The following DAPK2 variants were observed in gnomAD, a reference collection of about 807,000 sequenced individuals.
DAPK2 encodes death-associated protein kinase 2.
Under a neutral mutation model 44.1 loss-of-function variants are expected in DAPK2, and 35 were observed. The observed-to-expected ratio is 0.79, with a 90% CI of 0.61 to 1.05. The LOEUF (loss-of-function observed/expected upper bound fraction) is 1.05, where lower values mean the gene tolerates loss of function less well. Among genes scored for constraint, DAPK2 ranks in the 50% least tolerant of loss-of-function variants. The pLI, the probability that DAPK2 is intolerant of heterozygous loss-of-function variation, is 0.00. For missense variants in DAPK2, 453 were observed against 483.2 expected (o/e 0.94, Z 0.59); for synonymous variants, 174 against 182.6 (o/e 0.95, Z 0.38).
chr15:64,007,732 G>T (rs941344179), intron 1 of DAPK2, among the ~76,000 whole-genome samples: 1 of 152,182 alleles, frequency 6.6e-6, no homozygotes, highest in Non-Finnish European at 1.5e-5. Flanking sequence ...TGTTTGCTGT[G>T]TGCCATTTAG....
At chr15:64,026,068 T>C (rs1199481744) in intron 1 of DAPK2, among the ~76,000 whole-genome samples, 1 of 152,112 alleles carries the variant, frequency 6.6e-6, no homozygotes, top group African/African-American at 2.4e-5. Flanking sequence ...TTCTAGACCC[T>C]GTGGACGGCT....
chr15:63,999,612 A>G (rs910456434), intron 1 of DAPK2, among the ~76,000 whole-genome samples: 13 of 152,142 alleles, frequency 8.5e-5, no homozygotes, highest in Non-Finnish European at 1.5e-4. Context: ...AGAATAATGT[A>G]CACAAACATG....
In DAPK2 at chr15:63,908,549, G is replaced by A. The variant is rs1211695047; in HGVS notation, c.1084C>T (p.His362Tyr). The change falls in exon 11 of 11, where the codon CAC becomes TAC. Residue 362 changes from histidine to tyrosine, a missense_variant. Coordinates refer to ENST00000261891, the Ensembl canonical transcript of DAPK2. The surrounding 1 kb of genome is among the most constrained non-coding windows in gnomAD (Gnocchi z 5.7). ...GAGGTGCTGCTCCTCCTCCGTGGGT[G>A]GAGGGCTTTCCTCCTGGCGATGTCC... 1.9e-6 allele frequency: 3 copies of A among 1,601,772 alleles called. No homozygotes were observed. Among genetic ancestry groups the A allele is most frequent in the South Asian group, 2.3e-5 (2 of 88,006 alleles).
chr15:64,007,138 T>A (rs74021228), intron 1 of DAPK2, among the ~76,000 whole-genome samples: 5,947 of 149,896 alleles, frequency 0.04, 398 homozygotes, highest in African/African-American at 0.14. Context: ...GAAAAAAAAA[T>A]TTTTTTTTTA....
At chr15:63,972,409 T>C (rs2078237849) in intron 2 of DAPK2, among the ~76,000 whole-genome samples, 1 of 152,142 alleles carries the variant, frequency 6.6e-6, no homozygotes, top group Non-Finnish European at 1.5e-5. Flanking sequence ...TGGTGAGGGA[T>C]CACAAAGAGA....
chr15:63,929,167 C>G (rs1482692482), intron 6 of DAPK2, among the ~76,000 whole-genome samples: 2 of 149,934 alleles, frequency 1.3e-5, no homozygotes, highest in African/African-American at 4.9e-5. Flanking sequence ...CCACTGCACT[C>G]CAGACTGGGT....
chr15:64,017,373 T>C (rs770630877), intron 1 of DAPK2, among the ~76,000 whole-genome samples: 9 of 152,294 alleles, frequency 5.9e-5, no homozygotes, highest in Non-Finnish European at 1.2e-4. Flanking sequence ...AAGGAAGGCA[T>C]AGGAAGAGAG....
At chr15:63,922,335 A>G in intron 8 of DAPK2, 1 of 1,001,012 alleles carries the variant, frequency 1.0e-6, no homozygotes, top group Non-Finnish European at 1.2e-6. Flanking sequence ...AGTTATTCCT[A>G]ATTAACTCAA....
At position 63,983,758 on chromosome 15, in the gene DAPK2, T is replaced by C. The variant is rs749135550; in HGVS notation, c.93-4A>G. On this transcript the variant is annotated splice_region_variant and splice_polypyrimidine_tract_variant and intron_variant, in intron 1 of 10. Transcript: ENST00000261891. Reference sequence around the variant, plus strand: ...CTTCACGATGGCAAACTGGCCACTGTGGGGACACAGACCCACAAGATTAGG... The same window carrying C: ...CTTCACGATGGCAAACTGGCCACTGCGGGGACACAGACCCACAAGATTAGG... The C allele has an allele frequency of 1.2e-6, 2 of 1,609,714 alleles. No individual in the cohort carries two copies. The highest frequency in any genetic ancestry group is 2.2e-5 in the South Asian group (2 of 91,022).
chr15:63,942,259 C>G (rs749587673), intron 3 of DAPK2: 54 of 985,244 alleles, frequency 5.5e-5, no homozygotes, highest in South Asian at 1.4e-4. Flanking sequence ...TCTATAAGAA[C>G]CTCAGGGCAG....
At chr15:63,994,174 T>A (rs1443966606) in intron 1 of DAPK2, among the ~76,000 whole-genome samples, 1 of 151,940 alleles carries the variant, frequency 6.6e-6, no homozygotes, top group African/African-American at 2.4e-5. Context: ...GCCTGGAGAG[T>A]AAGAGGTGTT....
At position 63,917,096 on chromosome 15, in the gene DAPK2, C is replaced by CTAA. The variant is rs2078947526; in HGVS notation, c.859-4900_859-4899insTTA. 1.3e-5 allele frequency: 2 copies of CTAA among 152,294 alleles called. No individual in the cohort carries two copies. Among genetic ancestry groups the CTAA allele is most frequent in the African/African-American group, 4.8e-5 (2 of 41,462 alleles). 9.4% of individuals were successfully genotyped at this position (152,294 alleles called of 1,614,324 possible). ...AGAAAGTCCTGGCTGGGTGCGGTGG[C>CTAA]TCATGCCTGTAATCTCAGCACTTCG... On this transcript the variant is annotated intron_variant, in intron 8 of 10. Coordinates refer to ENST00000261891, the Ensembl canonical transcript of DAPK2. This position sits in a 1 kb window ranked among gnomAD's most constrained non-coding sequence, Gnocchi z 4.4.
intron 8 of DAPK2, among the ~76,000 whole-genome samples, chr15:63,914,805 C>T (rs1010914068): frequency 3.9e-5 from 6 of 152,228 alleles, no homozygotes; most frequent in African/African-American, 1.4e-4. Context: ...CAAGTCTTTG[C>T]TCAAATGTTA....
chr15:63,986,623 G>A (rs8034711), intron 1 of DAPK2, among the ~76,000 whole-genome samples: 6,287 of 152,056 alleles, frequency 0.041, 297 homozygotes, highest in African/African-American at 0.12. Context: ...ACCCTACCCC[G>A]CCAATGATTC....
intron 6 of DAPK2, among the ~76,000 whole-genome samples, chr15:63,929,198 C>CA (rs10568768): frequency 1.1e-4 from 14 of 130,898 alleles, no homozygotes; most frequent in East Asian, 4.5e-4. Flanking sequence ...GACTCTGTCT[C>CA]AAAAAAAAAA....
chr15:64,015,186 G>C (rs2079491980), intron 1 of DAPK2, among the ~76,000 whole-genome samples: 1 of 152,216 alleles, frequency 6.6e-6, no homozygotes, highest in Non-Finnish European at 1.5e-5. Context: ...CAAACAGCCT[G>C]GCTGACCCAC....
In DAPK2 at chr15:63,922,909, C is replaced by T. The variant is rs1453693456; in HGVS notation, c.858+1907G>A. Reference sequence around the variant, plus strand: ...ACTGCAGGTCTGCGGAGAGCTCCTGCCTCAGAATCTCAAACTGGGCTTGCA... The same window carrying T: ...ACTGCAGGTCTGCGGAGAGCTCCTGTCTCAGAATCTCAAACTGGGCTTGCA... On this transcript the variant is annotated intron_variant, in intron 8 of 10. Coordinates refer to ENST00000261891, the Ensembl canonical transcript of DAPK2. 2.0e-6 allele frequency: 3 copies of T among 1,535,938 alleles called. No individual in the cohort carries two copies. The East Asian group carries it at 7.3e-5, about 38-fold the overall frequency.
At chr15:63,937,196 T>G (rs184962116) in intron 4 of DAPK2, among the ~76,000 whole-genome samples, 2 of 152,228 alleles carry the variant, frequency 1.3e-5, no homozygotes, top group East Asian at 3.9e-4. Context: ...GTTGGAGAAG[T>G]CATCTTATAT....
At chr15:63,938,315 C>T (rs1384107156) in intron 4 of DAPK2, among the ~76,000 whole-genome samples, 4 of 152,206 alleles carry the variant, frequency 2.6e-5, no homozygotes, top group Admixed American at 6.5e-5. Context: ...AACTCTGCTT[C>T]ATGAAGCCAT....
Sources: gnomAD v4.1 joint callset for allele counts (sites outside exome capture counted in the v4.1 genomes callset) on GRCh38, gnomAD v4.1.1 for gene constraint, Gnocchi (gnomAD v3.1) non-coding constraint, MANE v1.5 for transcripts, NCBI Gene and HGNC (gene_info 2026-07-23, HGNC 2026-07-21) for gene names.